The following UBE2N variants were observed in gnomAD, a reference collection of about 807,000 sequenced individuals.
UBE2N encodes the protein ubiquitin-conjugating enzyme E2 N.
For missense variants in UBE2N, 60 were observed against 192.1 expected (o/e 0.31, Z 4.07); for synonymous variants, 70 against 69.2 (o/e 1.01, Z -0.06).
At chr12:93,410,204 G>T in intron 3 of UBE2N, 125 bp from the exon 4 acceptor site, 1 of 910,922 alleles carries the variant, frequency 1.1e-6, no homozygotes, top group Non-Finnish European at 1.6e-6. Context: ...TTAAATTCAC[G>T]CCTTTTTCTA....
intron 1 of UBE2N, among the ~76,000 whole-genome samples, chr12:93,424,043 T>C (rs983824251): frequency 2.6e-5 from 4 of 152,164 alleles, no homozygotes; most frequent in African/African-American, 9.7e-5. Flanking sequence ...CCAATTAACA[T>C]TCTAGAATGT....
At chr12:93,421,586 G>A (rs1242386958) in intron 1 of UBE2N, among the ~76,000 whole-genome samples, 2 of 152,280 alleles carry the variant, frequency 1.3e-5, no homozygotes, top group South Asian at 2.1e-4. Flanking sequence ...TCATAATCGT[G>A]AAGTGGTGCT....
At chr12:93,436,883 C>T (rs191609852) in intron 1 of UBE2N, among the ~76,000 whole-genome samples, 1 of 152,238 alleles carries the variant, frequency 6.6e-6, no homozygotes, top group Admixed American at 6.5e-5. Flanking sequence ...GTGCAAAATG[C>T]CATACATACA....
chr12:93,433,598 ATAT>A (rs902207083), intron 1 of UBE2N, among the ~76,000 whole-genome samples: 127 of 152,264 alleles, frequency 8.3e-4, no homozygotes, highest in African/African-American at 3.0e-3. Flanking sequence ...CCTTGATATA[ATAT>A]TATTACATAA....
intron 3 of UBE2N, chr12:93,410,362 G>A (rs1877997359): frequency 4.1e-6 from 2 of 488,876 alleles, no homozygotes; most frequent in Admixed American, 7.8e-5. Context: ...CTTAAAATCT[G>A]TAGCAGAAGC....
intron 1 of UBE2N, among the ~76,000 whole-genome samples, chr12:93,434,313 AAGAGTG>A (rs1462481952): frequency 6.6e-6 from 1 of 152,234 alleles, no homozygotes. Context: ...CTCTGGTTTT[AAGAGTG>A]GTCATTAACA....
chr12:93,413,951 C>T (rs1349309954), intron 1 of UBE2N, among the ~76,000 whole-genome samples: 7 of 152,092 alleles, frequency 4.6e-5, no homozygotes, highest in African/African-American at 1.7e-4. Context: ...CACCTCAGGT[C>T]AGGAGTTCGA....
chr12:93,436,571 T>C (rs956481957), intron 1 of UBE2N, among the ~76,000 whole-genome samples: 1 of 152,240 alleles, frequency 6.6e-6, no homozygotes, highest in Non-Finnish European at 1.5e-5. Flanking sequence ...GAACCTCTCA[T>C]TTGAGGGACA....
intron 1 of UBE2N, among the ~76,000 whole-genome samples, chr12:93,414,655 T>TTCC (rs1878146196): frequency 6.6e-6 from 1 of 152,042 alleles, no homozygotes; most frequent in African/African-American, 2.4e-5. Flanking sequence ...GGCTTTGTAC[T>TTCC]TCCTCTTCCT....
chr12:93,429,212 G>A (rs1042150731), intron 1 of UBE2N: 7 of 345,634 alleles, frequency 2.0e-5, no homozygotes, highest in South Asian at 1.4e-4. Context: ...GGAGGTTGCA[G>A]TGAGCCAAGA....
chr12:93,417,053 T>C (rs1878240238), intron 1 of UBE2N, among the ~76,000 whole-genome samples: 2 of 152,136 alleles, frequency 1.3e-5, no homozygotes, highest in Non-Finnish European at 2.9e-5. Flanking sequence ...TTCAGGAAAT[T>C]AGTTAATGTA....
At chr12:93,428,602 G>A (rs1404679259) in intron 1 of UBE2N, among the ~76,000 whole-genome samples, 1 of 152,156 alleles carries the variant, frequency 6.6e-6, no homozygotes, top group Non-Finnish European at 1.5e-5. Context: ...TTGAAGCCAA[G>A]CACACATATG....
chr12:93,410,399 A>G (rs1877998383), intron 3 of UBE2N: 1 of 500,296 alleles, frequency 2.0e-6, no homozygotes, highest in Non-Finnish European at 3.5e-6. Flanking sequence ...CCGTAGCCAT[A>G]AACAGCTGAA....
At position 93,410,026 on chromosome 12, in the gene UBE2N, T is replaced by C; in HGVS notation, c.*13A>G. The stretch of plus-strand genomic sequence containing the variant: ...AACAGGAGAAGTGATGCACACTTGA[T>C]GATCGTATCAATTTAAATATTATTC... On this transcript the variant is annotated 3_prime_UTR_variant, in exon 4 of 4. Transcript: ENST00000318066. 1 of 1,612,704 alleles carries C rather than the reference T, an allele frequency of 6.2e-7. No homozygotes were observed. The highest frequency in any genetic ancestry group is 8.5e-7 in the Non-Finnish European group (1 of 1,179,354).
At chr12:93,431,900 CCTT>C (rs1657397631) in intron 1 of UBE2N, among the ~76,000 whole-genome samples, 1 of 152,204 alleles carries the variant, frequency 6.6e-6, no homozygotes, top group African/African-American at 2.4e-5. Flanking sequence ...CACACTCCCT[CCTT>C]CTCTTGGCCC....
chr12:93,441,416 G>A (rs1879104062), intron 1 of UBE2N, among the ~76,000 whole-genome samples: 1 of 152,146 alleles, frequency 6.6e-6, no homozygotes, highest in African/African-American at 2.4e-5. Flanking sequence ...GGGCGGAGAA[G>A]AGGGGCTTGG....
intron 1 of UBE2N, among the ~76,000 whole-genome samples, chr12:93,416,857 C>CAAAAAAAA (rs4020452): frequency 4.5e-5 from 4 of 88,576 alleles, no homozygotes; most frequent in Non-Finnish European, 9.4e-5. Context: ...CCATCACTAC[C>CAAAAAAAA]AAAAAAAAAA....
At chr12:93,440,125 T>G (rs1446868497) in intron 1 of UBE2N, among the ~76,000 whole-genome samples, 1 of 152,246 alleles carries the variant, frequency 6.6e-6, no homozygotes. Context: ...TTTCAGAGAA[T>G]TATCATGAAT....
At chr12:93,428,490 T>C (rs1878658157) in intron 1 of UBE2N, among the ~76,000 whole-genome samples, 2 of 152,206 alleles carry the variant, frequency 1.3e-5, no homozygotes, top group Admixed American at 6.5e-5. Flanking sequence ...CAGGCCAGTC[T>C]GTCACTTCTT....
Sources: allele counts gnomAD v4.1 joint callset (sites outside exome capture counted in the v4.1 genomes callset), GRCh38; gene constraint gnomAD v4.1.1; transcripts MANE v1.5; gene names NCBI Gene and HGNC (gene_info 2026-07-23, HGNC 2026-07-21).